Variants in CUX2 observed in about 807,000 individuals in gnomAD.
CUX2 encodes the protein homeobox protein cut-like 2.
In CUX2, 40 loss-of-function variants were observed where a neutral mutation model predicts 144.8. The ratio of observed to expected loss-of-function variants is 0.28; its 90% CI spans 0.21 to 0.36. The LOEUF is 0.36. Among genes scored for constraint, CUX2 ranks in the 10% least tolerant of loss-of-function variants. The pLI is 1.00. For missense variants in CUX2, 1,615 were observed against 1,994.0 expected (o/e 0.81, Z 3.62); for synonymous variants, 827 against 875.6 (o/e 0.94, Z 0.98).
At chr12:111,098,493 C>T (rs974964421) in intron 1 of CUX2, among the ~76,000 whole-genome samples, 3 of 152,130 alleles carry the variant, frequency 2.0e-5, no homozygotes, top group South Asian at 2.1e-4. Flanking sequence ...TACAGGCCAA[C>T]GAGGGACCTT....
Position 111,330,737 on chromosome 12 carries a change from A to ATATATATG in CUX2, c.2927-3697_2927-3696insGTATATAT, listed in dbSNP as rs1555217611. 7.5e-3 allele frequency among the ~76,000 whole-genome samples: 645 copies of ATATATATG among 85,642 alleles called. 27 individuals carry two copies. Among genetic ancestry groups the ATATATATG allele is most frequent in the Non-Finnish European group, 0.013 (529 of 40,994 alleles). The allele number at this position is 85,642 out of a possible 152,430, so 56.2% of individuals were successfully genotyped here. On this transcript the variant is annotated intron_variant, in intron 18 of 21. Coordinates refer to ENST00000261726, the MANE Select transcript of CUX2 (RefSeq NM_015267.4). ...TATATATATATATATATATATATATATATATATATATATAAAGAGAGAGGG... is the reference window on the plus strand; with the variant it reads ...TATATATATATATATATATATATATATATATATGTATATATATATATAAAGAGAGAGGG...
chr12:111,179,702 A>T (rs1879053890), intron 1 of CUX2, among the ~76,000 whole-genome samples: 2 of 146,502 alleles, frequency 1.4e-5, no homozygotes, highest in Non-Finnish European at 1.5e-5. Context: ...TTTGGTGTTG[A>T]GTCTCACTCT....
intron 1 of CUX2, among the ~76,000 whole-genome samples, chr12:111,207,251 G>T (rs936236383): frequency 6.6e-6 from 1 of 152,136 alleles, no homozygotes; most frequent in Non-Finnish European, 1.5e-5. Flanking sequence ...AGACATGTTA[G>T]GGTTTCACTC....
At position 111,190,424 on chromosome 12, in the gene CUX2, G is replaced by A. The variant is rs1169430822; in HGVS notation, c.64-23776G>A. ...ATTCACGCACACACCCCACACTCTTGTTCCTGACCTTTCTCAGGGAGACAT... is the reference window on the plus strand; with the variant it reads ...ATTCACGCACACACCCCACACTCTTATTCCTGACCTTTCTCAGGGAGACAT... On this transcript the variant is annotated intron_variant, in intron 1 of 21. Coordinates refer to ENST00000261726, the MANE Select transcript of CUX2 (RefSeq NM_015267.4). This position sits in a 1 kb window ranked among gnomAD's most constrained non-coding sequence, Gnocchi z 4.0. 6.6e-6 allele frequency among the ~76,000 whole-genome samples: 1 copy of A among 152,104 alleles called. No homozygotes were observed. Among genetic ancestry groups the A allele is most frequent in the Non-Finnish European group, 1.5e-5 (1 of 68,028 alleles).
chr12:111,307,056 G>A lies in CUX2; in HGVS notation c.994G>A (p.Ala332Thr), dbSNP rs766521721. 16 of 1,613,404 alleles carry A rather than the reference G, an allele frequency of 9.9e-6. No individual in the cohort carries two copies. Among genetic ancestry groups the A allele is most frequent in the Middle Eastern group, 1.6e-4 (1 of 6,080 alleles). The change falls in exon 11 of 22, where the codon GCC (alanine) becomes ACC (threonine). Residue 332 changes from alanine to threonine, a missense_variant. Transcript: ENST00000261726. The surrounding 1 kb of genome is among the most constrained non-coding windows in gnomAD (Gnocchi z 4.1). ...SSLQELEEAS[A>T]NQIADLERQL... ...ACTGCAGGAGCTGGAGGAGGCATCCGCCAACCAGATCGCCGACCTGGAGCG... is the reference window on the plus strand; with the variant it reads ...ACTGCAGGAGCTGGAGGAGGCATCCACCAACCAGATCGCCGACCTGGAGCG...
intron 1 of CUX2, among the ~76,000 whole-genome samples, chr12:111,135,387 C>T (rs1325953570): frequency 6.6e-6 from 1 of 152,216 alleles, no homozygotes; most frequent in Admixed American, 6.5e-5. Flanking sequence ...ATGCAAAATG[C>T]AAAATGGTGC....
In CUX2 at chr12:111,295,209, G is replaced by T. The variant is rs995693457; in HGVS notation, c.561-124G>T. 10 of 725,672 alleles carry T rather than the reference G, an allele frequency of 1.4e-5. No homozygotes were observed. Among genetic ancestry groups the T allele is most frequent in the Non-Finnish European group, 2.0e-5 (9 of 440,784 alleles). The allele number at this position is 725,672 out of a possible 1,614,324, so 45.0% of individuals were successfully genotyped here. ...TGAATGTCGTGTCTAAGGACTTGCA[G>T]AAAGACAGAGGTGCAGGTTACAGGG... is the stretch of plus-strand genomic sequence containing the variant. On this transcript the variant is annotated intron_variant, in intron 6 of 21. Coordinates refer to ENST00000261726, the MANE Select transcript of CUX2 (RefSeq NM_015267.4). This position sits in a 1 kb window ranked among gnomAD's most constrained non-coding sequence, Gnocchi z 5.0.
rs1886493089 is a variant in CUX2, at chr12:111,304,798, C to T, written c.858+484C>T. On this transcript the variant is annotated intron_variant, in intron 10 of 21. Transcript: ENST00000261726. The surrounding 1 kb of genome is among the most constrained non-coding windows in gnomAD (Gnocchi z 4.7). ...TTTGTGCATGCTTGGGATGGTGATG[C>T]CCCTGCTGGTTTTCAGTCCCAAAAC... Among the ~76,000 whole-genome samples the T allele has an allele frequency of 6.6e-6, 1 of 152,150 alleles. No homozygotes were observed. Among genetic ancestry groups the T allele is most frequent in the South Asian group, 2.1e-4 (1 of 4,834 alleles).
At chr12:111,089,367 AAT>A (rs950007917) in intron 1 of CUX2, among the ~76,000 whole-genome samples, 5 of 152,216 alleles carry the variant, frequency 3.3e-5, no homozygotes, top group Non-Finnish European at 7.4e-5. Context: ...TTAAATAGAA[AAT>A]ATGTTTGATA....
rs1870599853 is a variant in CUX2 at position 111,057,879 on chromosome 12, A to T, written c.63+23639A>T. 6.6e-6 allele frequency among the ~76,000 whole-genome samples: 1 copy of T among 152,150 alleles called. No individual in the cohort carries two copies. The highest frequency in any genetic ancestry group is 2.4e-5 in the African/African-American group (1 of 41,428). On this transcript the variant is annotated intron_variant, in intron 1 of 21. Coordinates refer to ENST00000261726, the MANE Select transcript of CUX2 (RefSeq NM_015267.4). The surrounding 1 kb of genome is among the most constrained non-coding windows in gnomAD (Gnocchi z 5.1). ...GATGTCATCTGCCCAGAGTCACTTA[A>T]TGGGGACGCCTGGGTAATGACTGAA...
intron 3 of CUX2, among the ~76,000 whole-genome samples, chr12:111,222,311 A>T (rs1381687322): frequency 6.6e-6 from 1 of 152,244 alleles, no homozygotes; most frequent in Non-Finnish European, 1.5e-5. Context: ...AGACATGAAA[A>T]CATCTAAATT....
At chr12:111,188,410 A>G (rs893408085) in intron 1 of CUX2, among the ~76,000 whole-genome samples, 1 of 152,206 alleles carries the variant, frequency 6.6e-6, no homozygotes, top group African/African-American at 2.4e-5. Context: ...ACACCAGCAA[A>G]GGTGCTATCA....
intron 1 of CUX2, among the ~76,000 whole-genome samples, chr12:111,127,026 C>T (rs77177598): frequency 0.046 from 6,942 of 152,032 alleles, 520 homozygotes; most frequent in African/African-American, 0.16. Context: ...ATTCAAGTAC[C>T]GTAATATAAA....
chr12:111,116,041 C>G (rs974734025), intron 1 of CUX2, among the ~76,000 whole-genome samples: 1 of 152,174 alleles, frequency 6.6e-6, no homozygotes, highest in African/African-American at 2.4e-5. Flanking sequence ...GCCCTAATCC[C>G]TCACCCCTTT....
chr12:111,194,158 G>GC lies in CUX2; in HGVS notation c.64-20037dup, dbSNP rs547858328. ...GACTCTTTGTCTTGAATCCAGCTCTGCCCCCTCAGCTGTGTGACCTTAGGC... is the reference window on the plus strand; with the variant it reads ...GACTCTTTGTCTTGAATCCAGCTCTGCCCCCCTCAGCTGTGTGACCTTAGGC... On this transcript the variant is annotated intron_variant, in intron 1 of 21. Coordinates refer to ENST00000261726, the MANE Select transcript of CUX2 (RefSeq NM_015267.4). Among the ~76,000 whole-genome samples the GC allele has an allele frequency of 4.6e-5, 7 of 152,210 alleles. No homozygotes were observed. The East Asian group carries it at 1.4e-3, about 29-fold the overall frequency.
At chr12:111,174,882 A>G (rs1001710041) in intron 1 of CUX2, among the ~76,000 whole-genome samples, 7 of 152,370 alleles carry the variant, frequency 4.6e-5, no homozygotes, top group South Asian at 4.1e-4. Context: ...GAAGAAGTCA[A>G]AAATGGCCAA....
At position 111,328,424 on chromosome 12, in the gene CUX2, C is replaced by T. The variant is rs575885405; in HGVS notation, c.2926+5844C>T. Reference sequence around the variant, plus strand: ...CAGGCGCAGCCCCGGGTATAATCGGCGCTACCTACCGTGGCAGCATCAGTA... The same window carrying T: ...CAGGCGCAGCCCCGGGTATAATCGGTGCTACCTACCGTGGCAGCATCAGTA... On this transcript the variant is annotated intron_variant, in intron 18 of 21. Transcript: ENST00000261726. Among the ~76,000 whole-genome samples, 10 of 152,282 alleles carry T rather than the reference C, an allele frequency of 6.6e-5. 1 individual carries two copies. The South Asian group carries it at 8.3e-4, about 13-fold the overall frequency.
At position 111,322,344 on chromosome 12, in the gene CUX2, AGG is replaced by A; in HGVS notation, c.2767-76_2767-75del. 9.5e-7 allele frequency: 1 copy of A among 1,050,836 alleles called. No homozygotes were observed. The highest frequency in any genetic ancestry group is 1.3e-6 in the Non-Finnish European group (1 of 780,098). The allele number at this position is 1,050,836 out of a possible 1,614,324, so 65.1% of individuals were successfully genotyped here. ...CTCAAAAAAAAAAAAAAAAAAAAAAAGGTTGGGGAGGAGAGTGAGGGCCAGGC... is the reference window on the plus strand; with the variant it reads ...CTCAAAAAAAAAAAAAAAAAAAAAAATTGGGGAGGAGAGTGAGGGCCAGGC... On this transcript the variant is annotated intron_variant, in intron 17 of 21. Transcript: ENST00000261726. The surrounding 1 kb of genome is among the most constrained non-coding windows in gnomAD (Gnocchi z 4.2).
intron 1 of CUX2, among the ~76,000 whole-genome samples, chr12:111,213,799 A>G (rs1281240778): frequency 2.0e-5 from 3 of 152,054 alleles, no homozygotes; most frequent in Non-Finnish European, 4.4e-5. Flanking sequence ...TGCCCATACA[A>G]TATGCCGCAC....
Sources: allele counts gnomAD v4.1 joint callset (sites outside exome capture counted in the v4.1 genomes callset), GRCh38; gene constraint gnomAD v4.1.1; non-coding constraint Gnocchi (gnomAD v3.1); transcripts MANE v1.5; gene names NCBI Gene and HGNC (gene_info 2026-07-23, HGNC 2026-07-21).